The following ARHGAP6 variants were observed in gnomAD, a reference collection of about 807,000 sequenced individuals.
ARHGAP6 encodes Rho GTPase activating protein 6.
A neutral mutation model predicts 55.7 loss-of-function variants in ARHGAP6; 16 were observed. The ratio of observed to expected loss-of-function variants is 0.29; its 90% CI spans 0.19 to 0.44. The LOEUF is 0.44. Among genes scored for constraint, ARHGAP6 ranks in the 20% least tolerant of loss-of-function variants. The pLI is 1.00. For missense variants in ARHGAP6, 698 were observed against 808.9 expected, an observed-to-expected ratio of 0.86 and a Z score of 1.66; for synonymous variants, 382 against 360.9, an observed-to-expected ratio of 1.06 and a Z score of -0.66.
chrX:11,363,052 T>C (rs1358443452), intron 1 of ARHGAP6, among the ~76,000 whole-genome samples: 3 of 111,823 alleles, frequency 2.7e-5, no homozygotes, highest in African/African-American at 9.8e-5. Flanking sequence ...TAAAACCATA[T>C]GAATTAAAGT....
intron 3 of ARHGAP6, among the ~76,000 whole-genome samples, chrX:11,190,480 T>TATATATATATATATATATATATACACAC (rs1398140938): frequency 1.0e-5 from 1 of 99,532 alleles, no homozygotes; most frequent in African/African-American, 3.7e-5. Flanking sequence ...TATATATATA[T>TATATATATATATATATATATATACACAC]ACATATATCT....
chrX:11,595,158 C>T (rs952984236), intron 1 of ARHGAP6, among the ~76,000 whole-genome samples: 2 of 110,728 alleles, frequency 1.8e-5, no homozygotes, highest in Non-Finnish European at 3.8e-5. Context: ...GGTATGGTGG[C>T]GTACGCCTAT....
intron 1 of ARHGAP6, among the ~76,000 whole-genome samples, chrX:11,449,974 G>A (rs922695225): frequency 1.4e-4 from 16 of 111,541 alleles, no homozygotes; most frequent in Non-Finnish European, 2.3e-4. Context: ...TGACAGGTGA[G>A]ATATTCACCC....
chrX:11,393,741 T>C (rs1295570274), intron 1 of ARHGAP6, among the ~76,000 whole-genome samples: 3 of 111,847 alleles, frequency 2.7e-5, no homozygotes, highest in Admixed American at 1.9e-4. Flanking sequence ...TTTTAGGACA[T>C]GGCTTTGAGA....
chrX:11,447,624 G>C (rs190789073), intron 1 of ARHGAP6, among the ~76,000 whole-genome samples: 1 of 112,301 alleles, frequency 8.9e-6, no homozygotes, highest in South Asian at 3.7e-4. Context: ...GGAACAGTTT[G>C]CTGGCCCCTG....
At chrX:11,571,021 G>C (rs2051509084) in intron 1 of ARHGAP6, among the ~76,000 whole-genome samples, 1 of 111,415 alleles carries the variant, frequency 9.0e-6, no homozygotes, top group South Asian at 3.8e-4. Flanking sequence ...CCTCTCTGGA[G>C]GATGCAGACA....
intron 9 of ARHGAP6, among the ~76,000 whole-genome samples, chrX:11,158,380 G>T (rs1333499986): frequency 1.8e-5 from 2 of 111,955 alleles, no homozygotes; most frequent in Non-Finnish European, 3.8e-5. Context: ...TAAAAGGGAT[G>T]TCTTGATATC....
In ARHGAP6 at chrX:11,169,573, C is replaced by T. The variant is rs2046060863; in HGVS notation, c.1741G>A (p.Ala581Thr). The stretch of plus-strand genomic sequence containing the variant: ...GCGATGATGGCCGTGCTCTCCTCAG[C>T]CCGGGCTGAACTCTGAACTGAGAAT... ...KEFSVQSSAR[A>T]EESTAIIAVV... Residue 581 changes from alanine (A) to threonine (T), a missense_variant, in exon 9 of 13, where the codon GCT becomes ACT. This residue lies in a region of ARHGAP6 where 322 missense variants were observed against 451.1 expected (regional missense o/e 0.71). Transcript: ENST00000337414. The T allele has an allele frequency of 8.3e-7, 1 of 1,208,872 alleles. No individual in the cohort carries two copies.
At chrX:11,275,120 C>T (rs957743447) in intron 1 of ARHGAP6, among the ~76,000 whole-genome samples, 4 of 111,800 alleles carry the variant, frequency 3.6e-5, no homozygotes, top group African/African-American at 1.3e-4. Flanking sequence ...AAACTACAAA[C>T]ATTATAGATT....
At chrX:11,227,793 CTTTTT>C (rs199899751) in intron 2 of ARHGAP6, among the ~76,000 whole-genome samples, 1 of 108,206 alleles carries the variant, frequency 9.2e-6, no homozygotes, top group Admixed American at 9.9e-5. Flanking sequence ...CTTTCTTTTT[CTTTTT>C]TCTTTTTTTT....
intron 1 of ARHGAP6, among the ~76,000 whole-genome samples, chrX:11,296,305 A>G (rs1438537565): frequency 2.7e-5 from 3 of 112,415 alleles, no homozygotes; most frequent in African/African-American, 9.7e-5. Context: ...ACAAGGGAAC[A>G]TTCGTGAGAC....
chrX:11,337,251 C>T (rs760583797), intron 1 of ARHGAP6, among the ~76,000 whole-genome samples: 4 of 111,362 alleles, frequency 3.6e-5, no homozygotes, highest in Non-Finnish European at 5.7e-5. Flanking sequence ...ACAACATACA[C>T]TATATATGTA....
At chrX:11,239,170 T>C (rs766016216) in intron 2 of ARHGAP6, among the ~76,000 whole-genome samples, 1 of 111,550 alleles carries the variant, frequency 9.0e-6, no homozygotes, top group African/African-American at 3.3e-5. Context: ...TATGTTATTA[T>C]GTTAACAGGG....
At chrX:11,212,970 T>G in intron 2 of ARHGAP6, among the ~76,000 whole-genome samples, 2 of 112,744 alleles carry the variant, frequency 1.8e-5, no homozygotes, top group Non-Finnish European at 3.8e-5. Flanking sequence ...AGTGGGGCCG[T>G]GTGGGGCCAC....
At chrX:11,375,683 C>G (rs918885094) in intron 1 of ARHGAP6, among the ~76,000 whole-genome samples, 1 of 111,821 alleles carries the variant, frequency 8.9e-6, no homozygotes, top group African/African-American at 3.3e-5. Flanking sequence ...TGTCTGCTTT[C>G]CCGCCTCCCA....
At chrX:11,224,263 G>C (rs2047014339) in intron 2 of ARHGAP6, 1 of 177,411 alleles carries the variant, frequency 5.6e-6, no homozygotes, top group Admixed American at 8.4e-5. Context: ...GAAAGAAGAA[G>C]GAGCCGAATA....
chrX:11,599,106 G>A (rs2051939172), intron 1 of ARHGAP6, among the ~76,000 whole-genome samples: 1 of 111,156 alleles, frequency 9.0e-6, no homozygotes, highest in South Asian at 3.8e-4. Flanking sequence ...TTCAGACTGA[G>A]TAATAAACCG....
chrX:11,635,746 A>T (rs2052410996), intron 1 of ARHGAP6, among the ~76,000 whole-genome samples: 1 of 111,521 alleles, frequency 9.0e-6, no homozygotes, highest in Non-Finnish European at 1.9e-5. Flanking sequence ...TATTTTATTC[A>T]CAAACATAGA....
chrX:11,510,860 C>G lies in ARHGAP6; in HGVS notation c.588+153381G>C, dbSNP rs2050778981. 2.7e-5 allele frequency among the ~76,000 whole-genome samples: 3 copies of G among 112,019 alleles called. No individual in the cohort carries two copies. In the East Asian group the frequency reaches 8.4e-4, roughly 32 times the overall value. ...TGAAATTCAAATCACAGCATCTATA[C>G]ATAAAGTTTTATTAAAACACAGCCA... is the stretch of plus-strand genomic sequence containing the variant. On this transcript the variant is annotated intron_variant, in intron 1 of 12. Transcript: ENST00000337414.
Sources: gnomAD v4.1 joint callset for allele counts (sites outside exome capture counted in the v4.1 genomes callset) on GRCh38, gnomAD v4.1.1 for gene constraint, gnomAD v4.1.1 regional missense constraint, MANE v1.5 for transcripts, NCBI Gene and HGNC (gene_info 2026-07-23, HGNC 2026-07-21) for gene names.